SPMIP4: variants seen among roughly 807,000 people sequenced by gnomAD.
SPMIP4 encodes sperm-associated microtubule inner protein 4.
At chr7:25,161,241 A>G in the SPMIP4 span, 2 of 1,554,696 alleles carry the variant, frequency 1.3e-6, no homozygotes, top group Admixed American at 1.8e-5. Flanking sequence ...AAATAATAAA[A>G]TTGTTCAACA....
the SPMIP4 span, among the ~76,000 whole-genome samples, chr7:25,166,230 C>CTTTTTTTTTTTTTTTTTTTTTTTTTTTT: frequency 1.4e-5 from 1 of 69,230 alleles, no homozygotes; most frequent in African/African-American, 3.8e-5. Context: ...TTCTTTCCGT[C>CTTTTTTTTTTTTTTTTTTTTTTTTTTTT]TTCTTTTTTT....
chr7:25,149,663 C>T, the SPMIP4 span, among the ~76,000 whole-genome samples: 6 of 152,086 alleles, frequency 3.9e-5, no homozygotes, highest in East Asian at 1.9e-4. Flanking sequence ...ATATGAAATA[C>T]GTGAAAAGTT....
chr7:25,151,660 A>G, the SPMIP4 span: 3 of 1,609,612 alleles, frequency 1.9e-6, no homozygotes, highest in South Asian at 2.2e-5. Context: ...GGGAATATCA[A>G]TCAGTTCATA....
the SPMIP4 span, chr7:25,142,316 G>A: frequency 6.2e-7 from 1 of 1,609,734 alleles, no homozygotes; most frequent in Non-Finnish European, 8.5e-7. Flanking sequence ...GTTCAAGGGG[G>A]TCCATGGGCC....
the SPMIP4 span, among the ~76,000 whole-genome samples, chr7:25,131,604 A>G: frequency 6.6e-6 from 1 of 152,218 alleles, no homozygotes; most frequent in Non-Finnish European, 1.5e-5. The surrounding 1 kb of genome is among the most constrained non-coding windows in gnomAD (Gnocchi z 4.2). Context: ...AGCTCCCAAG[A>G]TGGTGGCAGG....
At chr7:25,138,988 G>A in the SPMIP4 span, among the ~76,000 whole-genome samples, 2 of 152,202 alleles carry the variant, frequency 1.3e-5, no homozygotes, top group African/African-American at 4.8e-5. This position sits in a 1 kb window ranked among gnomAD's most constrained non-coding sequence, Gnocchi z 6.2. Flanking sequence ...GATACACGCT[G>A]GGTGGTGGGA....
chr7:25,169,432 A>G, the SPMIP4 span, among the ~76,000 whole-genome samples: 1 of 152,096 alleles, frequency 6.6e-6, no homozygotes, highest in Non-Finnish European at 1.5e-5. Context: ...TACTTTCTGT[A>G]GATTTGCCTA....
At chr7:25,136,317 A>G in the SPMIP4 span, 1 of 1,614,068 alleles carries the variant, frequency 6.2e-7, no homozygotes. The surrounding 1 kb of genome is among the most constrained non-coding windows in gnomAD (Gnocchi z 5.7). Flanking sequence ...CTGGACACAT[A>G]TTATACTGAT....
the SPMIP4 span, among the ~76,000 whole-genome samples, chr7:25,177,762 C>G: frequency 1.3e-5 from 2 of 152,064 alleles, no homozygotes; most frequent in East Asian, 3.8e-4. Flanking sequence ...TGCTGACACA[C>G]AGTAATCACT....
chr7:25,145,082 C>T, the SPMIP4 span, among the ~76,000 whole-genome samples: 4 of 151,880 alleles, frequency 2.6e-5, no homozygotes, highest in East Asian at 7.7e-4. Flanking sequence ...CCTGCCTCAG[C>T]CTCCCAAGTA....
the SPMIP4 span, among the ~76,000 whole-genome samples, chr7:25,175,395 C>T: frequency 2.6e-4 from 39 of 152,126 alleles, no homozygotes; most frequent in Non-Finnish European, 1.3e-4. Flanking sequence ...GTAGCTGGGA[C>T]CTACAGGTGT....
At chr7:25,179,587 T>A in the SPMIP4 span, 3 of 296,834 alleles carry the variant, frequency 1.0e-5, no homozygotes, top group Non-Finnish European at 1.9e-5. Flanking sequence ...TTCGTACCAG[T>A]CCGCTACTTT....
the SPMIP4 span, among the ~76,000 whole-genome samples, chr7:25,164,503 G>A: frequency 2.0e-5 from 3 of 152,136 alleles, no homozygotes; most frequent in Non-Finnish European, 4.4e-5. Context: ...ACCACTAAGA[G>A]CTAAGATCTC....
the SPMIP4 span, among the ~76,000 whole-genome samples, chr7:25,166,233 C>CTTTTTTTTTTTTTTT: frequency 2.3e-5 from 3 of 131,208 alleles, no homozygotes; most frequent in Non-Finnish European, 4.7e-5. Flanking sequence ...TTTCCGTCTT[C>CTTTTTTTTTTTTTTT]TTTTTTTTTT....
At chr7:25,168,122 TTTATTA>T in the SPMIP4 span, among the ~76,000 whole-genome samples, 7 of 152,268 alleles carry the variant, frequency 4.6e-5, no homozygotes, top group Non-Finnish European at 1.0e-4. Context: ...AAACCATTCA[TTTATTA>T]TTATTTCACA....
the SPMIP4 span, among the ~76,000 whole-genome samples, chr7:25,175,953 C>T: frequency 1.3e-5 from 2 of 152,242 alleles, no homozygotes; most frequent in East Asian, 3.9e-4. Context: ...TCTGAGAACA[C>T]ATGATCATCC....
the SPMIP4 span, chr7:25,180,102 G>A: frequency 6.6e-6 from 1 of 152,322 alleles, no homozygotes; most frequent in Non-Finnish European, 1.5e-5. Context: ...GGCAGGGGCG[G>A]GGGCGGGAGA....
At chr7:25,132,473 T>A in the SPMIP4 span, among the ~76,000 whole-genome samples, 101,961 of 152,122 alleles carry the variant, frequency 0.67, 34,913 homozygotes, top group Middle Eastern at 0.76. The surrounding 1 kb of genome is among the most constrained non-coding windows in gnomAD (Gnocchi z 5.0). Context: ...CCTGATACAT[T>A]TGTTAAAAGT....
At chr7:25,155,402 T>A in the SPMIP4 span, among the ~76,000 whole-genome samples, 1 of 152,252 alleles carries the variant, frequency 6.6e-6, no homozygotes, top group Non-Finnish European at 1.5e-5. Flanking sequence ...TTTTCTTAAT[T>A]TTGCTAGACA....
Sources: gnomAD v4.1 joint callset for allele counts (sites outside exome capture counted in the v4.1 genomes callset) on GRCh38, gnomAD v4.1.1 for gene constraint, Gnocchi (gnomAD v3.1) non-coding constraint, MANE v1.5 for transcripts, NCBI Gene and HGNC (gene_info 2026-07-23, HGNC 2026-07-21) for gene names.